CPED1: variants seen among roughly 807,000 people sequenced by gnomAD.
The protein encoded by CPED1 is cadherin like and PC-esterase domain containing 1, also known as cadherin-like and PC-esterase domain-containing protein 1.
CPED1 carries 114 observed loss-of-function variants against 128.2 expected under a neutral mutation model. The ratio of observed to expected loss-of-function variants is 0.89; its 90% CI spans 0.76 to 1.04. The LOEUF (loss-of-function observed/expected upper bound fraction) is 1.04, where lower values mean the gene tolerates loss of function less well. Among genes scored for constraint, CPED1 ranks in the 50% least tolerant of loss-of-function variants. The pLI is 0.00. For synonymous variants in CPED1, 462 were observed against 426.7 expected (o/e 1.08, Z -1.02); for missense variants, 1,211 against 1,207.1 (o/e 1.00, Z -0.05).
chr7:121,093,972 G>T (rs1403705042), intron 5 of CPED1, among the ~76,000 whole-genome samples: 1 of 152,038 alleles, frequency 6.6e-6, no homozygotes, highest in Non-Finnish European at 1.5e-5. Context: ...CTGATAGAGT[G>T]ATTTCCTGGC....
intron 5 of CPED1, among the ~76,000 whole-genome samples, chr7:121,065,475 G>C (rs1406275074): frequency 6.6e-6 from 1 of 151,966 alleles, no homozygotes; most frequent in Non-Finnish European, 1.5e-5. Flanking sequence ...CTTTAGAAAA[G>C]GCAATCTGAA....
At chr7:121,217,929 G>T (rs13228215) in intron 16 of CPED1, among the ~76,000 whole-genome samples, 47 of 151,368 alleles carry the variant, frequency 3.1e-4, no homozygotes, top group Admixed American at 3.1e-3. Context: ...ATATAGGTGT[G>T]TTTGTGTAGC....
At chr7:121,152,318 G>A (rs1438397774) in intron 16 of CPED1, among the ~76,000 whole-genome samples, 1 of 151,970 alleles carries the variant, frequency 6.6e-6, no homozygotes, top group Admixed American at 6.6e-5. Flanking sequence ...ATTGCATGTG[G>A]GCTTCTTGAC....
chr7:121,267,664 T>A (rs1233523425), intron 21 of CPED1, among the ~76,000 whole-genome samples: 1 of 151,852 alleles, frequency 6.6e-6, no homozygotes, highest in African/African-American at 2.4e-5. Context: ...ATGAAAACAG[T>A]AGGGGTCTCT....
intron 16 of CPED1, among the ~76,000 whole-genome samples, chr7:121,197,528 A>C (rs1797297445): frequency 6.6e-6 from 1 of 152,140 alleles, no homozygotes; most frequent in Admixed American, 6.6e-5. Context: ...ACTAAGGCAC[A>C]GGGAGGTTAA....
intron 8 of CPED1, among the ~76,000 whole-genome samples, chr7:121,125,077 A>G (rs1353108065): frequency 1.3e-5 from 2 of 152,120 alleles, no homozygotes; most frequent in East Asian, 3.9e-4. Context: ...GTTTCCATGG[A>G]TTAACTTTAT....
intron 5 of CPED1, among the ~76,000 whole-genome samples, chr7:121,069,697 T>A (rs923834700): frequency 1.3e-5 from 2 of 152,190 alleles, no homozygotes; most frequent in African/African-American, 4.8e-5. Flanking sequence ...AAAAGTGTCA[T>A]ACTTGTTAGT....
chr7:121,064,446 G>A, intron 5 of CPED1, 133 bp downstream of exon 5: 8 of 637,794 alleles, frequency 1.3e-5, no homozygotes, highest in East Asian at 5.5e-5. Context: ...CAGATCTTCC[G>A]CAGTTCACAA....
intron 16 of CPED1, among the ~76,000 whole-genome samples, chr7:121,212,004 G>T (rs1326777666): frequency 2.6e-5 from 4 of 151,920 alleles, no homozygotes; most frequent in Non-Finnish European, 5.9e-5. Context: ...GGTGTCTTAA[G>T]TTCCTCCATT....
chr7:121,267,241 T>C lies in CPED1; in HGVS notation c.2660T>C (p.Ile887Thr). 6.2e-7 allele frequency: 1 copy of C among 1,600,224 alleles called. No individual in the cohort carries two copies. The highest frequency in any genetic ancestry group is 8.5e-7 in the Non-Finnish European group (1 of 1,169,838). ...GAAAATTTACTCAATATCCTAGTGA[T>C]CATCAAAACTTTGGGAATTGGATTT... ...KRENLLNILV[I>T]IKTLGIGFHL... Residue 887 changes from isoleucine (I) to threonine (T), a missense_variant, in exon 21 of 23, where the codon ATC (isoleucine) becomes ACC (threonine). Coordinates refer to ENST00000310396, the MANE Select transcript of CPED1 (RefSeq NM_024913.5).
chr7:121,154,747 T>C (rs953729321), intron 16 of CPED1, among the ~76,000 whole-genome samples: 1 of 152,120 alleles, frequency 6.6e-6, no homozygotes, highest in Admixed American at 6.5e-5. Flanking sequence ...GGTTTCACCA[T>C]GTTGGCCAGG....
At chr7:121,182,143 A>T (rs1338382764) in intron 16 of CPED1, among the ~76,000 whole-genome samples, 3 of 151,270 alleles carry the variant, frequency 2.0e-5, no homozygotes, top group Admixed American at 6.6e-5. Context: ...CCACTATAAA[A>T]GCTATGGTAA....
At chr7:121,028,582 C>A (rs966232359) in intron 3 of CPED1, among the ~76,000 whole-genome samples, 4 of 152,144 alleles carry the variant, frequency 2.6e-5, no homozygotes, top group Admixed American at 2.0e-4. Context: ...TTTGGACACA[C>A]CGAACTTTCT....
chr7:121,005,346 T>G (rs1422354762), intron 2 of CPED1, among the ~76,000 whole-genome samples: 1 of 152,246 alleles, frequency 6.6e-6, no homozygotes, highest in Non-Finnish European at 1.5e-5. Flanking sequence ...GCATTTGGGT[T>G]GGTTCCAAGT....
chr7:121,138,959 A>T (rs1222417491), intron 14 of CPED1, among the ~76,000 whole-genome samples: 4 of 151,958 alleles, frequency 2.6e-5, no homozygotes, highest in Non-Finnish European at 5.9e-5. Context: ...ATTTCTGGAG[A>T]AAAAACTTTG....
intron 22 of CPED1, among the ~76,000 whole-genome samples, chr7:121,277,752 A>C (rs1298596603): frequency 6.6e-6 from 1 of 152,124 alleles, no homozygotes. Flanking sequence ...TAACTTCCAA[A>C]AAGAAAAGAA....
chr7:121,241,269 AC>A lies in CPED1; in HGVS notation c.2174-2930del, dbSNP rs1425584211. ...AGGCTGAGGCAGGAGAATGGCGTGA[AC>A]CCGGGAGGCGGAGCTTGCAGTGAGC... On this transcript the variant is annotated intron_variant, in intron 17 of 22. Transcript: ENST00000310396. 1.7e-3 allele frequency among the ~76,000 whole-genome samples: 132 copies of A among 78,070 alleles called. 19 individuals carry two copies. The highest frequency in any genetic ancestry group is 6.6e-3 in the African/African-American group (129 of 19,646). 51.2% of individuals were successfully genotyped at this position (78,070 alleles called of 152,430 possible).
chr7:121,105,976 G>A (rs572596471), intron 7 of CPED1, among the ~76,000 whole-genome samples: 32 of 152,202 alleles, frequency 2.1e-4, no homozygotes, highest in African/African-American at 7.2e-4. Context: ...GATAACTTAA[G>A]CAGATGACTC....
At chr7:121,144,375 C>A (rs1795974528) in intron 16 of CPED1, among the ~76,000 whole-genome samples, 1 of 151,944 alleles carries the variant, frequency 6.6e-6, no homozygotes, top group South Asian at 2.1e-4. Flanking sequence ...GATATCCTGC[C>A]ATTTGCAACA....
Sources: allele counts gnomAD v4.1 joint callset (sites outside exome capture counted in the v4.1 genomes callset), GRCh38; gene constraint gnomAD v4.1.1; transcripts MANE v1.5; gene names NCBI Gene and HGNC (gene_info 2026-07-23, HGNC 2026-07-21).